Variants in MKLN1 observed in about 807,000 individuals in gnomAD.
The protein encoded by MKLN1 is muskelin.
A neutral mutation model predicts 99.0 loss-of-function variants in MKLN1; 18 were observed. The ratio of observed to expected loss-of-function variants is 0.18; its 90% CI spans 0.13 to 0.27. The LOEUF is 0.27. Among genes scored for constraint, MKLN1 ranks in the 10% least tolerant of loss-of-function variants. The pLI is 1.00. For synonymous variants in MKLN1, 288 were observed against 293.2 expected (o/e 0.98, Z 0.18); for missense variants, 621 against 875.9 (o/e 0.71, Z 3.67).
intron 2 of MKLN1, among the ~76,000 whole-genome samples, chr7:131,382,433 A>G (rs1159749490): frequency 6.6e-6 from 1 of 151,668 alleles, no homozygotes; most frequent in Non-Finnish European, 1.5e-5. Context: ...TAAAATGATT[A>G]ATGATGTTAC....
intron 3 of MKLN1, among the ~76,000 whole-genome samples, chr7:131,277,843 T>C (rs1797996769): frequency 6.6e-6 from 1 of 152,196 alleles, no homozygotes; most frequent in Admixed American, 6.5e-5. Context: ...GATTTGATCT[T>C]TACAAATTAT....
intron 1 of MKLN1, among the ~76,000 whole-genome samples, chr7:131,114,838 A>G (rs1473646692): frequency 6.6e-6 from 1 of 152,040 alleles, no homozygotes; most frequent in African/African-American, 2.4e-5. Context: ...TCAGGAGCTG[A>G]GACACAAGAA....
At position 131,177,338 on chromosome 7, in the gene MKLN1, C is replaced by T. The variant is rs573158735; in HGVS notation, c.-296-25519C>T. 5.3e-5 allele frequency among the ~76,000 whole-genome samples: 8 copies of T among 151,822 alleles called. No homozygotes were observed. The South Asian group carries it at 1.0e-3, about 20-fold the overall frequency. On this transcript the variant is annotated intron_variant, in intron 2 of 7. Transcript: ENST00000416992. The stretch of plus-strand genomic sequence containing the variant: ...AAAAAATTAGCCAGACGTGGTGGCG[C>T]GTGCCTGTAGTCCCAGGTACTCAGG...
At chr7:131,439,450 A>G (rs543151858) in intron 10 of MKLN1, among the ~76,000 whole-genome samples, 36 of 152,314 alleles carry the variant, frequency 2.4e-4, no homozygotes, top group Non-Finnish European at 4.6e-4. Context: ...ATGGTACAGC[A>G]GAACACTGGG....
intron 1 of MKLN1, among the ~76,000 whole-genome samples, chr7:131,374,816 T>C (rs1481439478): frequency 6.6e-6 from 1 of 152,132 alleles, no homozygotes; most frequent in African/African-American, 2.4e-5. Context: ...ACGATGCATG[T>C]TTGATATATG....
intron 2 of MKLN1, among the ~76,000 whole-genome samples, chr7:131,150,070 T>C (rs1014261026): frequency 6.6e-6 from 1 of 152,172 alleles, no homozygotes; most frequent in South Asian, 2.1e-4. Flanking sequence ...CTCTGATAGT[T>C]GCCTTGTACT....
At chr7:131,134,310 G>A (rs192758421) in intron 1 of MKLN1, among the ~76,000 whole-genome samples, 1 of 152,048 alleles carries the variant, frequency 6.6e-6, no homozygotes, top group African/African-American at 2.4e-5. Flanking sequence ...CTCCTTTCCA[G>A]TCTATTGCCA....
chr7:131,196,576 T>C (rs1796648559), intron 2 of MKLN1, among the ~76,000 whole-genome samples: 1 of 151,982 alleles, frequency 6.6e-6, no homozygotes, highest in Non-Finnish European at 1.5e-5. Flanking sequence ...GACTGCAAAA[T>C]GTAAATAATG....
intron 1 of MKLN1, among the ~76,000 whole-genome samples, chr7:131,137,497 G>A (rs1795666132): frequency 6.6e-6 from 1 of 152,188 alleles, no homozygotes; most frequent in South Asian, 2.1e-4. Context: ...GAGTTGGGTA[G>A]TAGGGATTGA....
chr7:131,432,212 T>A (rs1002470960), intron 9 of MKLN1, among the ~76,000 whole-genome samples: 12 of 152,118 alleles, frequency 7.9e-5, no homozygotes, highest in African/African-American at 2.6e-4. Context: ...AAATGAGAAA[T>A]TAATACTAGA....
chr7:131,216,438 GA>G (rs1163989066), intron 3 of MKLN1, among the ~76,000 whole-genome samples: 1 of 144,042 alleles, frequency 6.9e-6, no homozygotes, highest in Non-Finnish European at 1.5e-5. Context: ...AAAAAAAAAA[GA>G]AAAAAAAGAA....
chr7:131,407,869 C>CTATT (rs1207045831), intron 6 of MKLN1, among the ~76,000 whole-genome samples: 4 of 151,928 alleles, frequency 2.6e-5, no homozygotes, highest in Non-Finnish European at 2.9e-5. Flanking sequence ...CTCTTAACTC[C>CTATT]TATTTGCCTT....
chr7:131,184,699 G>A (rs966992082), intron 2 of MKLN1, among the ~76,000 whole-genome samples: 1 of 152,046 alleles, frequency 6.6e-6, no homozygotes, highest in Non-Finnish European at 1.5e-5. Context: ...TAATCTTTTT[G>A]TAATTTTAGT....
intron 3 of MKLN1, among the ~76,000 whole-genome samples, chr7:131,311,574 T>G (rs1000003618): frequency 6.6e-6 from 1 of 152,220 alleles, no homozygotes; most frequent in Admixed American, 6.5e-5. Context: ...TTCCAGAGGT[T>G]CCTTTTGGAA....
At chr7:131,224,298 C>T (rs750607664) in intron 3 of MKLN1, among the ~76,000 whole-genome samples, 8 of 152,200 alleles carry the variant, frequency 5.3e-5, no homozygotes, top group African/African-American at 1.9e-4. Context: ...GTAATCCCAG[C>T]ACTTTGGGAG....
At chr7:131,486,258 C>CAAA (rs59893973) in intron 17 of MKLN1, among the ~76,000 whole-genome samples, 1 of 142,072 alleles carries the variant, frequency 7.0e-6, no homozygotes, top group Non-Finnish European at 1.5e-5. Context: ...TTGGAAATTT[C>CAAA]AAAAAAAAAA....
upstream of MKLN1, chr7:131,327,777 G>T: frequency 1.4e-6 from 2 of 1,436,292 alleles, no homozygotes; most frequent in South Asian, 2.9e-5. Context: ...CTCGGGTAAC[G>T]ATGCGGGGCG....
intron 3 of MKLN1, among the ~76,000 whole-genome samples, chr7:131,314,078 C>T (rs1798618697): frequency 6.6e-6 from 1 of 152,176 alleles, no homozygotes. Context: ...ATAATAATAA[C>T]CATTCACTGT....
At chr7:131,296,264 A>G (rs1425366065) in intron 3 of MKLN1, among the ~76,000 whole-genome samples, 1 of 152,258 alleles carries the variant, frequency 6.6e-6, no homozygotes, top group African/African-American at 2.4e-5. Flanking sequence ...TTCATCAGTT[A>G]GGCAACAAAT....
Sources: allele counts gnomAD v4.1 joint callset (sites outside exome capture counted in the v4.1 genomes callset), GRCh38; gene constraint gnomAD v4.1.1; transcripts MANE v1.5; gene names NCBI Gene and HGNC (gene_info 2026-07-23, HGNC 2026-07-21).